SPMIP5: variants seen among roughly 807,000 people sequenced by gnomAD.
SPMIP5 encodes sperm microtubule inner protein 5.
the SPMIP5 span, among the ~76,000 whole-genome samples, chr10:116,667,388 T>G: frequency 0.013 from 2,013 of 152,316 alleles, 44 homozygotes; most frequent in African/African-American, 0.046. Context: ...GGTAATTTGT[T>G]GCAGTGGTCC....
the SPMIP5 span, among the ~76,000 whole-genome samples, chr10:116,668,933 GCA>G: frequency 0.069 from 9,274 of 135,286 alleles, 465 homozygotes; most frequent in African/African-American, 0.14. Flanking sequence ...GCACACACAT[GCA>G]CACACACACA....
At chr10:116,663,917 C>T in the SPMIP5 span, 1 of 1,536,448 alleles carries the variant, frequency 6.5e-7, no homozygotes, top group East Asian at 2.4e-5. Context: ...TAGCCTTCTG[C>T]ATACTTTGCG....
the SPMIP5 span, chr10:116,664,281 G>C: frequency 1.3e-6 from 2 of 1,564,922 alleles, no homozygotes; most frequent in African/African-American, 2.7e-5. Context: ...TCTAAAACAA[G>C]AATAGAAGTC....
the SPMIP5 span, among the ~76,000 whole-genome samples, chr10:116,666,719 T>C: frequency 3.3e-5 from 5 of 152,122 alleles, no homozygotes; most frequent in Non-Finnish European, 7.4e-5. Flanking sequence ...TCCCCAACCC[T>C]TGGATGATTA....
At chr10:116,664,680 G>A in the SPMIP5 span, 2 of 1,553,620 alleles carry the variant, frequency 1.3e-6, no homozygotes, top group African/African-American at 1.4e-5. Context: ...CTGGGATGGG[G>A]ACATCTGGTA....
At chr10:116,663,901 C>T in the SPMIP5 span, 48 of 1,534,040 alleles carry the variant, frequency 3.1e-5, no homozygotes, top group Middle Eastern at 3.4e-4. Context: ...GGAGACTCTG[C>T]GCTTCTAGCC....
At chr10:116,664,851 G>A in the SPMIP5 span, 1,276 of 1,614,134 alleles carry the variant, frequency 7.9e-4, 15 homozygotes, top group East Asian at 0.024. Context: ...AGTGTATCTC[G>A]TGCCACAGCC....
the SPMIP5 span, chr10:116,670,209 A>C: frequency 6.6e-6 from 1 of 151,558 alleles, no homozygotes; most frequent in African/African-American, 2.4e-5. Flanking sequence ...CAGGGGAAGG[A>C]TATGCGGAGG....
chr10:116,664,482 G>A, the SPMIP5 span: 1 of 759,792 alleles, frequency 1.3e-6, no homozygotes, highest in Non-Finnish European at 2.0e-6. Context: ...TTAAGCCACT[G>A]CCAGGATGGT....
chr10:116,665,931 TCCTCAGCCAACAGCACTACGTTTTTCC>T, the SPMIP5 span: 1 of 971,604 alleles, frequency 1.0e-6, no homozygotes, highest in African/African-American at 1.6e-5. Flanking sequence ...TGGCATTTCT[TCCTCAGCCAACAGCACTACGTTTTTCC>T]AAAGGCCATT....
At chr10:116,668,557 G>A in the SPMIP5 span, among the ~76,000 whole-genome samples, 2 of 151,996 alleles carry the variant, frequency 1.3e-5, no homozygotes, top group African/African-American at 2.4e-5. Context: ...ATAACAGTGT[G>A]TAGATCACAC....
At chr10:116,662,258 G>A in the SPMIP5 span, among the ~76,000 whole-genome samples, 1 of 152,160 alleles carries the variant, frequency 6.6e-6, no homozygotes, top group African/African-American at 2.4e-5. Flanking sequence ...AACACTATGT[G>A]AGAGAGTAGA....
At chr10:116,663,321 T>G in the SPMIP5 span, among the ~76,000 whole-genome samples, 3 of 151,852 alleles carry the variant, frequency 2.0e-5, no homozygotes, top group Non-Finnish European at 2.9e-5. Context: ...TCCCCACGGG[T>G]TTCAGAGGGA....
At chr10:116,668,016 CATTAAGTGCTTCCTCTGCA>C in the SPMIP5 span, among the ~76,000 whole-genome samples, 1 of 152,232 alleles carries the variant, frequency 6.6e-6, no homozygotes, top group African/African-American at 2.4e-5. Flanking sequence ...ATTCAACAGG[CATTAAGTGCTTCCTCTGCA>C]TACCAGGCCA....
chr10:116,664,982 T>C, the SPMIP5 span: 12 of 1,581,156 alleles, frequency 7.6e-6, no homozygotes, highest in African/African-American at 1.4e-5. Flanking sequence ...AGAAAGCAAC[T>C]AAAAAATGTT....
chr10:116,668,159 A>G, the SPMIP5 span: 1 of 1,180,778 alleles, frequency 8.5e-7, no homozygotes, highest in Non-Finnish European at 1.3e-6. Context: ...AGACTGGTCC[A>G]GTTGGCTGCA....
the SPMIP5 span, among the ~76,000 whole-genome samples, chr10:116,668,939 A>ATG: frequency 1.3e-5 from 1 of 75,588 alleles, no homozygotes; most frequent in East Asian, 3.0e-4. Context: ...ACATGCACAC[A>ATG]CACACACACA....
chr10:116,665,611 G>C, the SPMIP5 span: 1 of 1,611,372 alleles, frequency 6.2e-7, no homozygotes, highest in African/African-American at 1.3e-5. Flanking sequence ...CTGCTACCCA[G>C]GATCAGGGGG....
the SPMIP5 span, among the ~76,000 whole-genome samples, chr10:116,666,586 C>T: frequency 2.6e-5 from 4 of 152,006 alleles, no homozygotes; most frequent in Non-Finnish European, 5.9e-5. Flanking sequence ...GAAAACAAAA[C>T]CTGGCTTCAG....
Sources: allele counts gnomAD v4.1 joint callset (sites outside exome capture counted in the v4.1 genomes callset), GRCh38; gene constraint gnomAD v4.1.1; transcripts MANE v1.5; gene names NCBI Gene and HGNC (gene_info 2026-07-23, HGNC 2026-07-21).